The following PARVA variants were observed in gnomAD, a reference collection of about 807,000 sequenced individuals.
The protein encoded by PARVA is parvin alpha, also known as alpha-parvin.
Under a neutral mutation model 52.6 loss-of-function variants are expected in PARVA, and 25 were observed. The observed-to-expected ratio is 0.48, with a 90% CI of 0.35 to 0.66. PARVA has a LOEUF of 0.66. Among genes scored for constraint, PARVA ranks in the 30% least tolerant of loss-of-function variants. PARVA has a pLI of 0.01. For missense variants in PARVA, 373 were observed against 450.9 expected, an observed-to-expected ratio of 0.83 and a Z score of 1.56; for synonymous variants, 185 against 179.1, an observed-to-expected ratio of 1.03 and a Z score of -0.26.
intron 1 of PARVA, among the ~76,000 whole-genome samples, chr11:12,406,672 T>TG (rs1939914159): frequency 7.4e-6 from 1 of 135,420 alleles, no homozygotes; most frequent in Non-Finnish European, 1.6e-5. Flanking sequence ...TTTTTTTTTT[T>TG]TTTTTTTTTT....
At chr11:12,384,642 G>A (rs1424733631) in intron 1 of PARVA, among the ~76,000 whole-genome samples, 1 of 152,154 alleles carries the variant, frequency 6.6e-6, no homozygotes, top group African/African-American at 2.4e-5. Flanking sequence ...CCAATCTGAA[G>A]GAAGTGAGGA....
In PARVA at chr11:12,517,637, C is replaced by T. The variant is rs1941586729; in HGVS notation, c.895C>T (p.Leu299Phe). The part of the protein sequence containing the change: ...QFADGVYLVL[L>F]MGLLEGYFVP... The stretch of plus-strand genomic sequence containing the variant: ...TGCAGATGGGGTGTACCTGGTGCTG[C>T]TCATGGGGCTCCTGGAGGGCTACTT... The change falls in exon 11 of 13, where the codon CTC (leucine) becomes TTC (phenylalanine). Residue 299 changes from leucine to phenylalanine, a missense_variant. Transcript: ENST00000334956. The T allele has an allele frequency of 6.2e-7, 1 of 1,603,020 alleles. No individual in the cohort carries two copies. The highest frequency in any genetic ancestry group is 1.3e-5 in the African/African-American group (1 of 74,888).
intron 1 of PARVA, among the ~76,000 whole-genome samples, chr11:12,391,095 C>G (rs1281566811): frequency 6.6e-6 from 1 of 152,132 alleles, no homozygotes; most frequent in African/African-American, 2.4e-5. Context: ...TTGCAAGGCT[C>G]TCATGATGAC....
intron 4 of PARVA, among the ~76,000 whole-genome samples, chr11:12,481,872 C>G (rs1037648288): frequency 1.3e-5 from 2 of 152,022 alleles, no homozygotes; most frequent in African/African-American, 4.8e-5. Context: ...CATCTGACAT[C>G]AAGAAAAGGA....
chr11:12,449,533 A>G (rs1244732670), intron 1 of PARVA, among the ~76,000 whole-genome samples: 1 of 152,170 alleles, frequency 6.6e-6, no homozygotes, highest in Non-Finnish European at 1.5e-5. Flanking sequence ...GTTTCTGTCA[A>G]TGAGTTCCCT....
Position 12,530,783 on chromosome 11 carries a change from T to C in PARVA, c.*2858T>C, listed in dbSNP as rs1941763287. On this transcript the variant is annotated 3_prime_UTR_variant, in exon 13 of 13. Coordinates refer to ENST00000334956, the MANE Select transcript of PARVA (RefSeq NM_018222.5). ...CCCTGGGTATTAAAAAGAACTCCTT[T>C]CACATTTTAAAATAACAATCTGAGC... 6.6e-6 allele frequency: 1 copy of C among 152,178 alleles called. No individual in the cohort carries two copies. The highest frequency in any genetic ancestry group is 1.5e-5 in the Non-Finnish European group (1 of 68,024). 9.4% of individuals were successfully genotyped at this position (152,178 alleles called of 1,614,324 possible).
At chr11:12,427,665 C>T (rs1054409685) in intron 1 of PARVA, among the ~76,000 whole-genome samples, 1 of 152,066 alleles carries the variant, frequency 6.6e-6, no homozygotes, top group Non-Finnish European at 1.5e-5. Context: ...TATCTTGAAA[C>T]TTTTGTCTTA....
chr11:12,443,187 T>TTTTTTTA (rs1940493815), intron 1 of PARVA, among the ~76,000 whole-genome samples: 4 of 140,844 alleles, frequency 2.8e-5, no homozygotes, highest in Non-Finnish European at 6.2e-5. Context: ...TTTTTTTTTT[T>TTTTTTTA]TTTGAGATGG....
rs1168836479 is a variant in PARVA, at chr11:12,533,646, T to C, written c.*5721T>C. Among the ~76,000 whole-genome samples, 3 of 152,186 alleles carry C rather than the reference T, an allele frequency of 2.0e-5. No individual in the cohort carries two copies. Among genetic ancestry groups the C allele is most frequent in the Admixed American group, 6.5e-5 (1 of 15,280 alleles). ...TTACTGAACACGGTCAATTAACACA[T>C]AGCTAGTATGTTATGTGCATTATAT... On this transcript the variant is annotated 3_prime_UTR_variant, in exon 13 of 13. Coordinates refer to ENST00000334956, the MANE Select transcript of PARVA (RefSeq NM_018222.5).
At chr11:12,430,769 T>A (rs944582289) in intron 1 of PARVA, among the ~76,000 whole-genome samples, 7 of 152,330 alleles carry the variant, frequency 4.6e-5, no homozygotes, top group Admixed American at 2.0e-4. Context: ...TGGGCAGCTG[T>A]CAAATTAGTT....
At chr11:12,468,398 C>T (rs1940884343) in intron 1 of PARVA, among the ~76,000 whole-genome samples, 1 of 152,148 alleles carries the variant, frequency 6.6e-6, no homozygotes, top group Non-Finnish European at 1.5e-5. Context: ...TTTGCTTTTC[C>T]CCTGGTATTC....
chr11:12,383,044 T>C (rs1403387601), intron 1 of PARVA, among the ~76,000 whole-genome samples: 1 of 152,220 alleles, frequency 6.6e-6, no homozygotes, highest in Admixed American at 6.5e-5. Context: ...CACTATTTTG[T>C]CCCTTTAGGA....
chr11:12,484,790 G>A (rs532811739), intron 4 of PARVA, among the ~76,000 whole-genome samples: 123 of 149,164 alleles, frequency 8.2e-4, no homozygotes, highest in South Asian at 1.7e-3. Context: ...GGGTATTTTG[G>A]TGTTTGATTT....
At position 12,531,630 on chromosome 11, in the gene PARVA, G is replaced by A. The variant is rs1344209286; in HGVS notation, c.*3705G>A. Among the ~76,000 whole-genome samples the A allele has an allele frequency of 1.3e-5, 2 of 151,784 alleles. No homozygotes were observed. The highest frequency in any genetic ancestry group is 2.9e-5 in the Non-Finnish European group (2 of 67,984). ...TGGAGGCTGATCAAAACTAATTTGA[G>A]ATCCGCTGCCTTTAATAGAGCTCCA... On this transcript the variant is annotated 3_prime_UTR_variant, in exon 13 of 13. Transcript: ENST00000334956.
chr11:12,500,075 G>T (rs1173999588), intron 5 of PARVA, among the ~76,000 whole-genome samples: 1 of 152,104 alleles, frequency 6.6e-6, no homozygotes, highest in East Asian at 1.9e-4. Flanking sequence ...AAATACCTAA[G>T]AGTGGTATGT....
rs770461790 is a variant in PARVA at position 12,529,172 on chromosome 11, A to G, written c.*1247A>G. ...AATTACCGGCTAATTCAAGCGAGGA[A>G]AAATGTAAGTCATTTAGACCAAAGC... On this transcript the variant is annotated 3_prime_UTR_variant, in exon 13 of 13. Coordinates refer to ENST00000334956, the MANE Select transcript of PARVA (RefSeq NM_018222.5). The G allele has an allele frequency of 6.6e-6, 1 of 152,194 alleles. No homozygotes were observed. The highest frequency in any genetic ancestry group is 1.5e-5 in the Non-Finnish European group (1 of 68,036). The allele number at this position is 152,194 out of a possible 1,614,324, so 9.4% of individuals were successfully genotyped here.
At chr11:12,484,549 G>GT (rs1564859308) in intron 4 of PARVA, among the ~76,000 whole-genome samples, 5 of 130,394 alleles carry the variant, frequency 3.8e-5, no homozygotes, top group African/African-American at 1.1e-4. Context: ...GTGTGTGTGT[G>GT]GTTTTCTTTT....
At chr11:12,474,084 G>GTAAAAAGTCAT in intron 3 of PARVA, 101 bp downstream of exon 3, 1 of 923,082 alleles carries the variant, frequency 1.1e-6, no homozygotes, top group South Asian at 1.4e-5. Context: ...CTGAGAGAAG[G>GTAAAAAGTCAT]TAAAAAGTCA....
intron 1 of PARVA, among the ~76,000 whole-genome samples, chr11:12,382,008 T>C (rs2134942382): frequency 6.6e-6 from 1 of 152,328 alleles, no homozygotes; most frequent in Middle Eastern, 3.4e-3. Context: ...AGAGATCACT[T>C]TTAACTGCGG....
Sources: gnomAD v4.1 joint callset for allele counts (sites outside exome capture counted in the v4.1 genomes callset) on GRCh38, gnomAD v4.1.1 for gene constraint, MANE v1.5 for transcripts, NCBI Gene and HGNC (gene_info 2026-07-23, HGNC 2026-07-21) for gene names.